The following PRKCB variants were observed in gnomAD, a reference collection of about 807,000 sequenced individuals.
The protein encoded by PRKCB is protein kinase C beta type.
In PRKCB, 13 loss-of-function variants were observed where a neutral mutation model predicts 81.5. The observed-to-expected ratio is 0.16, with a 90% CI of 0.10 to 0.25. The LOEUF (loss-of-function observed/expected upper bound fraction) is 0.25. Ranked by LOEUF, PRKCB falls within the 10% of genes least tolerant of loss-of-function variation. The pLI, the probability that PRKCB is intolerant of heterozygous loss-of-function variation, is 1.00. For missense variants in PRKCB, 509 were observed against 875.7 expected (o/e 0.58, Z 5.29); for synonymous variants, 335 against 321.4 (o/e 1.04, Z -0.45).
chr16:24,131,885 C>T (rs145678935), intron 9 of PRKCB, among the ~76,000 whole-genome samples: 3 of 152,242 alleles, frequency 2.0e-5, no homozygotes, highest in Non-Finnish European at 2.9e-5. Flanking sequence ...TTTGGCAGCT[C>T]GATTACCATG....
At chr16:23,987,933 T>C (rs1039505631) in intron 2 of PRKCB, among the ~76,000 whole-genome samples, 1 of 152,216 alleles carries the variant, frequency 6.6e-6, no homozygotes, top group East Asian at 1.9e-4. Context: ...TGTGTGTATA[T>C]ATGTATTTGC....
At chr16:23,960,352 T>G (rs1195795656) in intron 2 of PRKCB, among the ~76,000 whole-genome samples, 2 of 152,148 alleles carry the variant, frequency 1.3e-5, no homozygotes, top group Non-Finnish European at 2.9e-5. Flanking sequence ...ACCCTTGAGA[T>G]GTAATCTTTG....
intron 2 of PRKCB, among the ~76,000 whole-genome samples, chr16:23,855,364 A>G (rs1962547407): frequency 6.6e-6 from 1 of 152,186 alleles, no homozygotes; most frequent in South Asian, 2.1e-4. Flanking sequence ...TTGTCTGTGA[A>G]ATGAAGATAA....
chr16:24,054,026 A>T (rs1965875469), intron 5 of PRKCB, among the ~76,000 whole-genome samples: 1 of 152,206 alleles, frequency 6.6e-6, no homozygotes, highest in African/African-American at 2.4e-5. Context: ...AGGCTGGAGT[A>T]CAGAGGCACA....
intron 16 of PRKCB, among the ~76,000 whole-genome samples, chr16:24,209,119 T>A (rs767250199): frequency 1.3e-5 from 2 of 152,034 alleles, no homozygotes; most frequent in Non-Finnish European, 2.9e-5. Context: ...GATGGGAAAT[T>A]GATGGTTTTT....
chr16:23,872,386 T>C (rs1962919272), intron 2 of PRKCB, among the ~76,000 whole-genome samples: 1 of 152,160 alleles, frequency 6.6e-6, no homozygotes, highest in South Asian at 2.1e-4. Flanking sequence ...GCTGGTGCGG[T>C]CGTGTGCACC....
chr16:24,031,205 A>G (rs1965547830), intron 3 of PRKCB, among the ~76,000 whole-genome samples: 1 of 152,234 alleles, frequency 6.6e-6, no homozygotes, highest in African/African-American at 2.4e-5. Context: ...TTGATTAGGA[A>G]ATTATGTAAG....
rs777912410 is a variant in PRKCB, at chr16:24,154,860, A to G, written c.1239+3A>G. 2 of 1,612,836 alleles carry G rather than the reference A, an allele frequency of 1.2e-6. No individual in the cohort carries two copies. On this transcript the variant is annotated splice_donor_region_variant and intron_variant, in intron 10 of 16. Transcript: ENST00000643927. ...TCCACTCCTGCTTCCAGACCATGGTAACTTGTCCCATGGCCCTGGGTATTC... is the reference window on the plus strand; with the variant it reads ...TCCACTCCTGCTTCCAGACCATGGTGACTTGTCCCATGGCCCTGGGTATTC...
chr16:24,024,538 C>A (rs943492036), intron 3 of PRKCB, among the ~76,000 whole-genome samples: 9 of 152,186 alleles, frequency 5.9e-5, no homozygotes, highest in Non-Finnish European at 1.0e-4. Context: ...TTTAATCATG[C>A]CACATTGTGT....
chr16:24,010,068 ATG>A (rs146414083), intron 3 of PRKCB, among the ~76,000 whole-genome samples: 4 of 151,544 alleles, frequency 2.6e-5, no homozygotes, highest in African/African-American at 9.7e-5. Flanking sequence ...TTTCTTTCAT[ATG>A]TGTGTGTGTG....
intron 9 of PRKCB, among the ~76,000 whole-genome samples, chr16:24,136,800 C>T (rs891716366): frequency 3.9e-5 from 6 of 152,122 alleles, no homozygotes; most frequent in South Asian, 2.1e-4. Context: ...AAGAAAACGA[C>T]GGGCCTGTCT....
chr16:24,030,936 C>T (rs949668083), intron 3 of PRKCB, among the ~76,000 whole-genome samples: 2 of 149,472 alleles, frequency 1.3e-5, no homozygotes, highest in Non-Finnish European at 3.0e-5. Context: ...TAGTTGCATG[C>T]ACCTGTAGTC....
chr16:23,870,586 C>T (rs1962886531), intron 2 of PRKCB, among the ~76,000 whole-genome samples: 1 of 152,172 alleles, frequency 6.6e-6, no homozygotes, highest in Non-Finnish European at 1.5e-5. Context: ...TAAACGAAGC[C>T]ATTAGGTGCT....
intron 5 of PRKCB, among the ~76,000 whole-genome samples, chr16:24,061,373 A>C (rs945911185): frequency 6.6e-6 from 1 of 152,090 alleles, no homozygotes; most frequent in South Asian, 2.1e-4. Context: ...TAATTGAATA[A>C]GTGAATGAAC....
intron 3 of PRKCB, among the ~76,000 whole-genome samples, chr16:24,021,074 T>C (rs139100775): frequency 0.098 from 5,438 of 55,730 alleles, 188 homozygotes; most frequent in Middle Eastern, 0.13. Flanking sequence ...CTCCCTCCCT[T>C]CTTTCTTTCT....
chr16:24,110,232 G>A (rs1966658046), intron 7 of PRKCB, among the ~76,000 whole-genome samples: 1 of 151,306 alleles, frequency 6.6e-6, no homozygotes, highest in African/African-American at 2.4e-5. Context: ...TTTTTCTTGA[G>A]ACGGTGTCTC....
intron 3 of PRKCB, among the ~76,000 whole-genome samples, chr16:24,031,368 T>G (rs35020714): frequency 0.19 from 29,653 of 152,174 alleles, 3,182 homozygotes; most frequent in Middle Eastern, 0.31. Context: ...TCCAGGACAG[T>G]CACTTCCAGT....
chr16:24,054,399 C>G (rs1965880379), intron 5 of PRKCB, among the ~76,000 whole-genome samples: 1 of 152,200 alleles, frequency 6.6e-6, no homozygotes, highest in Admixed American at 6.5e-5. Context: ...TGAGATGTGA[C>G]TATTGTCCCT....
At chr16:23,938,979 A>G (rs560697240) in intron 2 of PRKCB, among the ~76,000 whole-genome samples, 2 of 152,326 alleles carry the variant, frequency 1.3e-5, no homozygotes, top group South Asian at 2.1e-4. Flanking sequence ...AATCTATAAA[A>G]CAAACCAATC....
Sources: allele counts gnomAD v4.1 joint callset (sites outside exome capture counted in the v4.1 genomes callset), GRCh38; gene constraint gnomAD v4.1.1; transcripts MANE v1.5; gene names NCBI Gene and HGNC (gene_info 2026-07-23, HGNC 2026-07-21).